Variants in STAU1 observed in about 807,000 individuals in gnomAD.
STAU1 encodes the protein staufen double-stranded RNA binding protein 1, also known as double-stranded RNA-binding protein Staufen homolog 1.
STAU1 carries 13 observed loss-of-function variants against 62.9 expected under a neutral mutation model. The observed-to-expected ratio is 0.21, with a 90% CI of 0.13 to 0.33. The LOEUF (loss-of-function observed/expected upper bound fraction) is 0.33, where lower values mean the gene tolerates loss of function less well. Ranked by LOEUF, STAU1 falls within the 10% of genes least tolerant of loss-of-function variation. The pLI, the probability that STAU1 is intolerant of heterozygous loss-of-function variation, is 1.00. For synonymous variants in STAU1, 269 were observed against 265.1 expected, an observed-to-expected ratio of 1.01 and a Z score of -0.14; for missense variants, 571 against 712.1, an observed-to-expected ratio of 0.80 and a Z score of 2.25.
At chr20:49,136,709 T>C (rs557507806) in intron 5 of STAU1, among the ~76,000 whole-genome samples, 1 of 152,292 alleles carries the variant, frequency 6.6e-6, no homozygotes, top group South Asian at 2.1e-4. Context: ...AACCACTTTT[T>C]TTTTTTGAGA....
chr20:49,119,001 CCAGT>C (rs1159721917), intron 9 of STAU1, among the ~76,000 whole-genome samples: 5 of 152,120 alleles, frequency 3.3e-5, no homozygotes, highest in Admixed American at 1.3e-4. Flanking sequence ...ATCTGGGGTC[CCAGT>C]CAGTTATTAA....
chr20:49,113,904 A>C lies in STAU1; in HGVS notation c.*974T>G, dbSNP rs1156870620. On this transcript the variant is annotated 3_prime_UTR_variant, in exon 14 of 14. Coordinates refer to ENST00000371856, the MANE Select transcript of STAU1 (RefSeq NM_017453.4). ...ACAATGTTTTTTAATAATCTTTAAAACAGAGATCAAAGTTCATTTAAGTCC... is the reference window on the plus strand; with the variant it reads ...ACAATGTTTTTTAATAATCTTTAAACCAGAGATCAAAGTTCATTTAAGTCC... 6.5e-6 allele frequency: 1 copy of C among 152,674 alleles called. No homozygotes were observed. Among genetic ancestry groups the C allele is most frequent in the Non-Finnish European group, 1.5e-5 (1 of 68,050 alleles). 9.5% of individuals were successfully genotyped at this position (152,674 alleles called of 1,614,324 possible).
chr20:49,178,643 T>C (rs1182175127), intron 1 of STAU1, among the ~76,000 whole-genome samples: 1 of 151,810 alleles, frequency 6.6e-6, no homozygotes, highest in Non-Finnish European at 1.5e-5. Context: ...CCCAGCTACT[T>C]GGGAGGCTGA....
intron 1 of STAU1, among the ~76,000 whole-genome samples, chr20:49,180,492 T>A (rs1279716479): frequency 6.6e-6 from 1 of 152,006 alleles, no homozygotes; most frequent in African/African-American, 2.4e-5. Flanking sequence ...CCCAGCTAAT[T>A]TTTGTATTTT....
intron 1 of STAU1, among the ~76,000 whole-genome samples, chr20:49,180,331 T>TC (rs200203121): frequency 0.014 from 1,116 of 81,116 alleles, 9 homozygotes; most frequent in African/African-American, 0.055. Flanking sequence ...TTTTTTTTTT[T>TC]TCCCCCCCTG....
At chr20:49,123,348 C>A in intron 7 of STAU1, 113 bp from the exon 8 acceptor site, 3 of 1,276,034 alleles carry the variant, frequency 2.4e-6, no homozygotes, top group Non-Finnish European at 3.3e-6. Context: ...CCTAATGGCT[C>A]AGAATTCGAT....
At chr20:49,195,141 G>GA in the STAU1 span, among the ~76,000 whole-genome samples, 8 of 152,152 alleles carry the variant, frequency 5.3e-5, no homozygotes, top group South Asian at 1.7e-3. Context: ...TGATAAACTG[G>GA]AAAAAATTTG....
Position 49,117,352 on chromosome 20 carries a change from T to C in STAU1, c.1510-104A>G, listed in dbSNP as rs2092352987. Reference sequence around the variant, plus strand: ...ACAAGCAAGATCACCAGCTCTTTTTTCCAACTCAGCCCCACTGTGGCCATA... The same window carrying C: ...ACAAGCAAGATCACCAGCTCTTTTTCCCAACTCAGCCCCACTGTGGCCATA... On this transcript the variant is annotated intron_variant, in intron 11 of 13. Coordinates refer to ENST00000371856, the MANE Select transcript of STAU1 (RefSeq NM_017453.4). This position sits in a 1 kb window ranked among gnomAD's most constrained non-coding sequence, Gnocchi z 4.6. 1 of 1,438,704 alleles carries C rather than the reference T, an allele frequency of 7.0e-7. No homozygotes were observed. Among genetic ancestry groups the C allele is most frequent in the South Asian group, 1.3e-5 (1 of 77,478 alleles). 89.1% of individuals were successfully genotyped at this position (1,438,704 alleles called of 1,614,324 possible). A position where few individuals can be genotyped will look rare whatever the true frequency, so the allele number is the denominator to read the frequency against.
the STAU1 span, among the ~76,000 whole-genome samples, chr20:49,213,473 C>A: frequency 6.6e-6 from 1 of 152,178 alleles, no homozygotes. Context: ...CGTGATCCAC[C>A]TGCCTCGGGC....
intron 5 of STAU1, among the ~76,000 whole-genome samples, chr20:49,136,574 T>C (rs2092888638): frequency 6.6e-6 from 1 of 152,176 alleles, no homozygotes; most frequent in Admixed American, 6.5e-5. Context: ...AAAGTCCTTC[T>C]CAAGTAGTGG....
the STAU1 span, among the ~76,000 whole-genome samples, chr20:49,194,429 C>CAAAAAAAAAAAAA: frequency 1.2e-5 from 1 of 81,154 alleles, no homozygotes; most frequent in Non-Finnish European, 2.3e-5. Context: ...AACTCCGTCT[C>CAAAAAAAAAAAAA]AAAAAAAAAA....
At chr20:49,169,549 A>C (rs555008459) in intron 2 of STAU1, among the ~76,000 whole-genome samples, 1 of 152,322 alleles carries the variant, frequency 6.6e-6, no homozygotes, top group East Asian at 1.9e-4. Context: ...ATTGTTTTCC[A>C]CCAGGTAAAT....
intron 6 of STAU1, among the ~76,000 whole-genome samples, chr20:49,127,663 G>A (rs919312835): frequency 1.3e-5 from 2 of 151,798 alleles, no homozygotes; most frequent in Non-Finnish European, 2.9e-5. Context: ...CTGAGATCGC[G>A]CCATTGCATT....
At chr20:49,157,140 G>A (rs1022180592) in intron 3 of STAU1, among the ~76,000 whole-genome samples, 1 of 152,070 alleles carries the variant, frequency 6.6e-6, no homozygotes, top group Non-Finnish European at 1.5e-5. Flanking sequence ...GTCTCCCAAA[G>A]TGCTGGGATT....
chr20:49,185,872 T>C (rs1228338813), intron 1 of STAU1, among the ~76,000 whole-genome samples: 1 of 151,870 alleles, frequency 6.6e-6, no homozygotes, highest in Non-Finnish European at 1.5e-5. Flanking sequence ...TGCTTATGTG[T>C]TTTTTTTGTT....
intron 5 of STAU1, among the ~76,000 whole-genome samples, chr20:49,150,953 T>A (rs950594225): frequency 2.0e-5 from 3 of 151,968 alleles, no homozygotes; most frequent in African/African-American, 7.3e-5. Flanking sequence ...AGCACCAACT[T>A]ACCAGCCACG....
rs1409618018 is a variant in STAU1 at position 49,113,930 on chromosome 20, T to C, written c.*948A>G. ...CAGAGATCAAAGTTCATTTAAGTCC[T>C]GTTTGCATTAACAAAAATAAAAATG... On this transcript the variant is annotated 3_prime_UTR_variant, in exon 14 of 14. Coordinates refer to ENST00000371856, the MANE Select transcript of STAU1 (RefSeq NM_017453.4). 6.6e-6 allele frequency: 1 copy of C among 152,660 alleles called. No homozygotes were observed. The highest frequency in any genetic ancestry group is 1.5e-5 in the Non-Finnish European group (1 of 68,040). The allele number at this position is 152,660 out of a possible 1,614,324, so 9.5% of individuals were successfully genotyped here.
At chr20:49,180,730 G>C (rs975910759) in intron 1 of STAU1, among the ~76,000 whole-genome samples, 1 of 152,180 alleles carries the variant, frequency 6.6e-6, no homozygotes, top group Non-Finnish European at 1.5e-5. Context: ...CTGTGGATCA[G>C]CTTTAAGTTT....
chr20:49,154,481 G>A (rs2093323304), intron 3 of STAU1, among the ~76,000 whole-genome samples: 1 of 152,136 alleles, frequency 6.6e-6, no homozygotes, highest in Admixed American at 6.6e-5. Context: ...AGGATTATTG[G>A]CTTGCACTCA....
Sources: gnomAD v4.1 joint callset for allele counts (sites outside exome capture counted in the v4.1 genomes callset) on GRCh38, gnomAD v4.1.1 for gene constraint, Gnocchi (gnomAD v3.1) non-coding constraint, MANE v1.5 for transcripts, NCBI Gene and HGNC (gene_info 2026-07-23, HGNC 2026-07-21) for gene names.